The following ERI2 variants were observed in gnomAD, a reference collection of about 807,000 sequenced individuals.
ERI2 encodes ERI1 exoribonuclease 2.
Under a neutral mutation model 46.8 loss-of-function variants are expected in ERI2, and 35 were observed. The ratio of observed to expected loss-of-function variants is 0.75; its 90% confidence interval spans 0.57 to 0.99. ERI2 has a LOEUF of 0.99. Ranked by LOEUF, ERI2 falls within the 50% of genes least tolerant of loss-of-function variation. The probability of loss-of-function intolerance (pLI) is 0.00; values close to 1 mark genes in which losing one functional copy is unlikely to be tolerated. For synonymous variants in ERI2, 224 were observed against 271.0 expected (o/e 0.83, Z 1.70); for missense variants, 695 against 796.2 (o/e 0.87, Z 1.53).
chr16:20,802,362 C>T (rs1414029046), intron 4 of ERI2, among the ~76,000 whole-genome samples: 1 of 151,794 alleles, frequency 6.6e-6, no homozygotes, highest in Non-Finnish European at 1.5e-5. Context: ...ATACATAAAT[C>T]GAGTCCTGAA....
At chr16:20,794,521 G>C (rs1246883466), downstream of ERI2, among the ~76,000 whole-genome samples, 1 of 152,102 alleles carries the variant, frequency 6.6e-6, no homozygotes, top group African/African-American at 2.4e-5. Flanking sequence ...ATAGACACAC[G>C]TGGCTAGCAG....
chr16:20,782,944 C>T (rs552543698), intron 10 of ERI2, among the ~76,000 whole-genome samples: 36 of 152,304 alleles, frequency 2.4e-4, no homozygotes, highest in East Asian at 5.8e-4. Context: ...ACTACCTTTC[C>T]GGCACGTGGT....
chr16:20,787,931 T>C (rs1389703664), intron 10 of ERI2, among the ~76,000 whole-genome samples: 3 of 152,090 alleles, frequency 2.0e-5, no homozygotes, highest in Non-Finnish European at 4.4e-5. Context: ...ACCACTTCAG[T>C]CTCAGATGGT....
exon 11 of ERI2, chr16:20,780,373 C>T: frequency 6.9e-6 from 3 of 435,204 alleles, no homozygotes; most frequent in Non-Finnish European, 1.2e-5. Context: ...AAAATTCTTC[C>T]TTATCCATGA....
chr16:20,803,074 T>C lies in ERI2; in HGVS notation c.176-151A>G, dbSNP rs1223702287. The stretch of plus-strand genomic sequence containing the variant: ...TGACCAAAGCAGTGTGACATAAAGG[T>C]TATAATAAAGTTATGCTAAAGTCAA... On this transcript the variant is annotated intron_variant, in intron 3 of 8. Transcript: ENST00000357967. 6.2e-5 allele frequency: 49 copies of C among 787,454 alleles called. 1 individual carries two copies. The allele number at this position is 787,454 out of a possible 1,614,324, so 48.8% of individuals were successfully genotyped here.
chr16:20,798,918 T>C lies in ERI2; in HGVS notation c.882A>G (p.Gln294=). The change falls in exon 9 of 9, where the codon CAA becomes CAG. Residue 294 remains glutamine (Q), a synonymous_variant. Coordinates refer to ENST00000357967, the MANE Select transcript of ERI2 (RefSeq NM_001142725.2). Reference sequence around the variant, plus strand: ...GAGAATTTGCACAAATTGACTTCATTTGAACTTTTTCATGAGGATTTATTA... The same window carrying C: ...GAGAATTTGCACAAATTGACTTCATCTGAACTTTTTCATGAGGATTTATTA... ...KNIINPHEKV[Q]MKSICANSPI... 1.9e-6 allele frequency: 3 copies of C among 1,551,182 alleles called. No individual in the cohort carries two copies. Among genetic ancestry groups the C allele is most frequent in the Non-Finnish European group, 1.7e-6 (2 of 1,146,822 alleles).
rs370562507 is a variant in ERI2 at position 20,797,100 on chromosome 16, T to A, written c.*624A>T. 2.3e-5 allele frequency: 33 copies of A among 1,411,558 alleles called. No homozygotes were observed. In the East Asian group the frequency reaches 5.8e-4, roughly 25 times the overall value. The allele number at this position is 1,411,558 out of a possible 1,614,324, so 87.4% of individuals were successfully genotyped here. On this transcript the variant is annotated 3_prime_UTR_variant, in exon 9 of 9. Coordinates refer to ENST00000357967, the MANE Select transcript of ERI2 (RefSeq NM_001142725.2). ...TTAGAAACTGTTGATTTAAAATATC[T>A]TGTGGTTATGATATCAGAGGCTAAA... is the stretch of plus-strand genomic sequence containing the variant.
Position 20,799,362 on chromosome 16 carries a change from A to G in ERI2, c.644-11T>C, listed in dbSNP as rs1460532027. 1 of 1,612,418 alleles carries G rather than the reference A, an allele frequency of 6.2e-7. No individual in the cohort carries two copies. Among genetic ancestry groups the G allele is most frequent in the Non-Finnish European group, 8.5e-7 (1 of 1,179,090 alleles). On this transcript the variant is annotated splice_polypyrimidine_tract_variant and intron_variant, in intron 7 of 8. Coordinates refer to ENST00000357967, the MANE Select transcript of ERI2 (RefSeq NM_001142725.2). The stretch of plus-strand genomic sequence containing the variant: ...GAGAATCGTCCAACCCTGAGGATAC[A>G]GATATCAAACACTGAATTTAGTGGT...
Position 20,799,986 on chromosome 16 carries a change from C to T in ERI2, c.614G>A (p.Gly205Glu), listed in dbSNP as rs2080779104. Residue 205 changes from glycine to glutamate, a missense_variant, in exon 7 of 9, where the codon GGA (glycine) becomes GAA (glutamate). By Grantham distance (98) the Gly-to-Glu change is moderately conservative (BLOSUM62 -2). Transcript: ENST00000357967. The part of the protein sequence containing the change: ...KGLSGALQEV[G>E]IEFSGREHSG... ...ATGTTCTCGTCCTGAGAATTCTATT[C>T]CTACTTCCTGCAAGGCACCACTTAG... 4 of 1,605,928 alleles carry T rather than the reference C, an allele frequency of 2.5e-6. No homozygotes were observed. In the Admixed American group the frequency reaches 5.0e-5, roughly 20 times the overall value.
downstream of ERI2, among the ~76,000 whole-genome samples, chr16:20,795,140 T>G (rs1452395176): frequency 1.3e-5 from 2 of 152,222 alleles, no homozygotes; most frequent in Admixed American, 1.3e-4. Flanking sequence ...ACACAAGGGT[T>G]CACAACTGCC....
chr16:20,792,136 T>C, downstream of ERI2: 1 of 1,614,128 alleles, frequency 6.2e-7, no homozygotes, highest in Non-Finnish European at 8.5e-7. Context: ...CTGGGTAACT[T>C]TCTTTTCCAT....
At position 20,797,678 on chromosome 16, in the gene ERI2, T is replaced by A. The variant is rs1376389559; in HGVS notation, c.*46A>T. 4.1e-6 allele frequency: 6 copies of A among 1,475,418 alleles called. No individual in the cohort carries two copies. The highest frequency in any genetic ancestry group is 5.4e-6 in the Non-Finnish European group (6 of 1,115,582). The allele number at this position is 1,475,418 out of a possible 1,614,324, so 91.4% of individuals were successfully genotyped here. A position where few individuals can be genotyped will look rare whatever the true frequency, so the allele number is the denominator to read the frequency against. On this transcript the variant is annotated 3_prime_UTR_variant, in exon 9 of 9. Transcript: ENST00000357967. The stretch of plus-strand genomic sequence containing the variant: ...GTGTAAGATGTTATCAGAATACTCA[T>A]GTTTGGAAATTCAAGGAACAATTAG...
chr16:20,796,467 C>T lies in ERI2; in HGVS notation c.*1257G>A. The T allele has an allele frequency of 6.2e-7, 1 of 1,613,436 alleles. No individual in the cohort carries two copies. On this transcript the variant is annotated 3_prime_UTR_variant, in exon 9 of 9. Coordinates refer to ENST00000357967, the MANE Select transcript of ERI2 (RefSeq NM_001142725.2). ...CAGGAGCATGTTAAAAAAACTACAG[C>T]ACCTTACAAATATCCCAGAAAGGTA...
intron 3 of ERI2, 25 bp from the exon 4 acceptor site, chr16:20,802,948 C>T (rs1240238828): frequency 3.2e-6 from 5 of 1,541,820 alleles, no homozygotes; most frequent in Admixed American, 3.8e-5. Flanking sequence ...AATCAATTGA[C>T]AGTTGAATAA....
chr16:20,780,381 T>C, exon 11 of ERI2: 2 of 457,776 alleles, frequency 4.4e-6, no homozygotes, highest in South Asian at 5.5e-5. Context: ...TCCTTATCCA[T>C]GATTGCAAGA....
At chr16:20,800,784 A>G (rs2080787220) in intron 5 of ERI2, 2 of 177,766 alleles carry the variant, frequency 1.1e-5, no homozygotes, top group South Asian at 1.7e-4. Flanking sequence ...ATTGCTATTA[A>G]TGACTATTAA....
intron 10 of ERI2, chr16:20,785,012 G>T (rs1460734598): frequency 1.2e-6 from 2 of 1,613,624 alleles, no homozygotes; most frequent in African/African-American, 2.7e-5. Flanking sequence ...AAAGCACTGT[G>T]TGAGTGCTGG....
chr16:20,801,455 GA>G lies in ERI2; in HGVS notation c.304-97del. On this transcript the variant is annotated intron_variant, in intron 4 of 8. Coordinates refer to ENST00000357967, the MANE Select transcript of ERI2 (RefSeq NM_001142725.2). ...TGGAGAAAGATTAATGGTTTTAAAA[GA>G]ATCAGAAATGCCAAGTCATGAAAAC... is the stretch of plus-strand genomic sequence containing the variant. 3 of 1,335,238 alleles carry G rather than the reference GA, an allele frequency of 2.2e-6. No homozygotes were observed. The South Asian group carries it at 5.1e-5, about 23-fold the overall frequency. 82.7% of individuals were successfully genotyped at this position (1,335,238 alleles called of 1,614,324 possible).
chr16:20,793,776 G>C (rs1182483010), downstream of ERI2, among the ~76,000 whole-genome samples: 1 of 152,212 alleles, frequency 6.6e-6, no homozygotes, highest in Non-Finnish European at 1.5e-5. Flanking sequence ...AACATCATCG[G>C]CAAGGTTTCA....
Sources: allele counts gnomAD v4.1 joint callset (sites outside exome capture counted in the v4.1 genomes callset), GRCh38; gene constraint gnomAD v4.1.1; transcripts MANE v1.5; gene names NCBI Gene and HGNC (gene_info 2026-07-23, HGNC 2026-07-21).